The following DNAH17 variants were observed in gnomAD, a reference collection of about 807,000 sequenced individuals.
DNAH17 encodes axonemal beta dynein heavy chain 17.
In DNAH17, 376 loss-of-function variants were observed where a neutral mutation model predicts 485.6. The observed-to-expected ratio is 0.77, with a 90% CI of 0.71 to 0.84. DNAH17 has a LOEUF of 0.84. Among genes scored for constraint, DNAH17 ranks in the 40% least tolerant of loss-of-function variants. The pLI, the probability that DNAH17 is intolerant of heterozygous loss-of-function variation, is 0.00. For synonymous variants in DNAH17, 3,031 were observed against 2,405.9 expected (o/e 1.26, Z -7.60); for missense variants, 6,370 against 5,839.3 (o/e 1.09, Z -2.96).
In DNAH17 at chr17:78,526,657, C is replaced by G; in HGVS notation, c.3705G>C (p.Leu1235=). ...CACCCTTGAGCAAAAATACCTTATT[C>G]AGGGACTTGTAGGGGTTGGGGTCGC... ...SFSDPNPYKS[L]NKQQKSISAM... is the part of the protein sequence containing the mutation. The change falls in exon 24 of 81, where the codon CTG becomes CTC. Residue 1235 remains leucine (L), a synonymous_variant. Transcript: ENST00000389840. The G allele has an allele frequency of 6.2e-7, 1 of 1,602,318 alleles. No individual in the cohort carries two copies. The highest frequency in any genetic ancestry group is 8.5e-7 in the Non-Finnish European group (1 of 1,171,796).
chr17:78,537,226 A>T, intron 19 of DNAH17, 73 bp downstream of exon 19: 1 of 1,443,932 alleles, frequency 6.9e-7, no homozygotes, highest in Non-Finnish European at 9.4e-7. Context: ...AGCCTTGCCG[A>T]GTTAGGGCGG....
rs746118933 is a variant in DNAH17, at chr17:78,424,022, G to C, written c.13273C>G (p.Pro4425Ala). ...CCGCGGATGCGTGTTTTGTACACGGGACACTCATAGATGTTCTTGGTCTCC... is the reference window on the plus strand; with the variant it reads ...CCGCGGATGCGTGTTTTGTACACGGCACACTCATAGATGTTCTTGGTCTCC... ...RMETKNIYEC[P>A]VYKTRIRGPT... The change falls in exon 81 of 81, where the codon CCC becomes GCC. Residue 4425 changes from proline (P) to alanine (A), a missense_variant. Pro to Ala is a conservative substitution (Grantham distance 27). Coordinates refer to ENST00000389840, the MANE Select transcript of DNAH17 (RefSeq NM_173628.4). 10 of 1,613,920 alleles carry C rather than the reference G, an allele frequency of 6.2e-6. No individual in the cohort carries two copies. The highest frequency in any genetic ancestry group is 6.8e-6 in the Non-Finnish European group (8 of 1,179,902).
chr17:78,501,180 T>C lies in DNAH17; in HGVS notation c.5483+4A>G. On this transcript the variant is annotated splice_donor_region_variant and intron_variant, in intron 35 of 80. Coordinates refer to ENST00000389840, the MANE Select transcript of DNAH17 (RefSeq NM_173628.4). The stretch of plus-strand genomic sequence containing the variant: ...CATGTGAGTTACTCAGGGACGGGCC[T>C]CACCTGTCAGTGAGTGGGGTGATGA... 2 of 1,571,964 alleles carry C rather than the reference T, an allele frequency of 1.3e-6. No individual in the cohort carries two copies. Among genetic ancestry groups the C allele is most frequent in the Non-Finnish European group, 1.7e-6 (2 of 1,150,034 alleles).
Position 78,441,083 on chromosome 17 carries a change from C to T in DNAH17, c.11645G>A (p.Gly3882Glu), listed in dbSNP as rs2087055850. 2 of 1,609,204 alleles carry T rather than the reference C, an allele frequency of 1.2e-6. No individual in the cohort carries two copies. The highest frequency in any genetic ancestry group is 1.7e-6 in the Non-Finnish European group (2 of 1,177,784). ...STSIFFILSPGVDPLKDVEAL... is the reference protein window; with the variant it reads ...STSIFFILSPEVDPLKDVEAL... Reference sequence around the variant, plus strand: ...TTCCACGTCTTTCAAGGGGTCAACCCCCGGGGAGAGGATGAAGAAGATTGA... The same window carrying T: ...TTCCACGTCTTTCAAGGGGTCAACCTCCGGGGAGAGGATGAAGAAGATTGA... The change falls in exon 72 of 81, where the codon GGG becomes GAG. Residue 3882 changes from glycine to glutamate, a missense_variant. Physicochemically the swap from Gly to Glu is moderately conservative, Grantham distance 98. Coordinates refer to ENST00000389840, the MANE Select transcript of DNAH17 (RefSeq NM_173628.4).
At chr17:78,498,085 G>C (rs997107698) in intron 37 of DNAH17, among the ~76,000 whole-genome samples, 1 of 152,006 alleles carries the variant, frequency 6.6e-6, no homozygotes, top group Non-Finnish European at 1.5e-5. Flanking sequence ...GAGGTTCAGT[G>C]AACCGAGACT....
At chr17:78,491,104 C>T (rs767397746) in intron 43 of DNAH17, among the ~76,000 whole-genome samples, 1 of 152,222 alleles carries the variant, frequency 6.6e-6, no homozygotes, top group Non-Finnish European at 1.5e-5. Context: ...ATCACCCCTC[C>T]CCATCCTGGA....
chr17:78,470,876 A>G (rs1415605433), intron 54 of DNAH17, among the ~76,000 whole-genome samples: 1 of 152,238 alleles, frequency 6.6e-6, no homozygotes, highest in Non-Finnish European at 1.5e-5. Context: ...AGCAGGATTT[A>G]AGGACAGGGC....
chr17:78,542,793 G>A (rs1035096093), intron 17 of DNAH17, among the ~76,000 whole-genome samples: 1 of 152,184 alleles, frequency 6.6e-6, no homozygotes, highest in Non-Finnish European at 1.5e-5. Context: ...ATTCACATAT[G>A]CAGGTAGTGA....
chr17:78,568,935 G>T (rs2092310285), intron 9 of DNAH17, among the ~76,000 whole-genome samples: 1 of 152,322 alleles, frequency 6.6e-6, no homozygotes, highest in South Asian at 2.1e-4. Flanking sequence ...TAGGATGCAC[G>T]AGATAAGGGG....
chr17:78,513,902 C>T (rs546639973), intron 26 of DNAH17, among the ~76,000 whole-genome samples: 53 of 152,268 alleles, frequency 3.5e-4, no homozygotes, highest in African/African-American at 1.2e-3. Context: ...CTCTCTGTAT[C>T]CTTTGCAGCT....
At chr17:78,568,440 C>T (rs2092302545) in intron 9 of DNAH17, among the ~76,000 whole-genome samples, 1 of 152,112 alleles carries the variant, frequency 6.6e-6, no homozygotes, top group African/African-American at 2.4e-5. Flanking sequence ...TGATTTTCCC[C>T]TTTTTTAAGG....
At chr17:78,556,492 T>C in intron 14 of DNAH17, among the ~76,000 whole-genome samples, 1 of 152,168 alleles carries the variant, frequency 6.6e-6, no homozygotes, top group East Asian at 1.9e-4. Flanking sequence ...TTTGTGGTGA[T>C]TTGTTACAGC....
At chr17:78,482,330 T>A (rs1441700093) in intron 48 of DNAH17, among the ~76,000 whole-genome samples, 1 of 152,194 alleles carries the variant, frequency 6.6e-6, no homozygotes, top group Non-Finnish European at 1.5e-5. Flanking sequence ...CCAGCACTTT[T>A]GTTTTTTTCC....
intron 40 of DNAH17, 58 bp downstream of exon 40, chr17:78,494,535 A>T (rs1180213442): frequency 6.4e-7 from 1 of 1,551,310 alleles, no homozygotes; most frequent in African/African-American, 1.4e-5. Flanking sequence ...CATCAGTGGG[A>T]AGGAAGCCCC....
intron 54 of DNAH17, chr17:78,472,699 G>A (rs530689171): frequency 8.2e-5 from 37 of 453,804 alleles, no homozygotes; most frequent in African/African-American, 3.2e-4. Flanking sequence ...CCGAGTCCCC[G>A]AGGTCACGCA....
At chr17:78,496,395 A>G (rs2090071123) in intron 37 of DNAH17, among the ~76,000 whole-genome samples, 1 of 137,598 alleles carries the variant, frequency 7.3e-6, no homozygotes, top group Admixed American at 8.1e-5. Flanking sequence ...AATTCTGTGT[A>G]CTCTCTGCCC....
Position 78,455,676 on chromosome 17 carries a change from T to C in DNAH17, c.10138A>G (p.Lys3380Glu), listed in dbSNP as rs1473181135. The C allele has an allele frequency of 1.3e-6, 2 of 1,566,324 alleles. No individual in the cohort carries two copies. The highest frequency in any genetic ancestry group is 1.7e-6 in the Non-Finnish European group (2 of 1,155,862). Residue 3380 changes from lysine (K) to glutamate (E), a missense_variant, in exon 63 of 81, where the codon AAA (lysine) becomes GAA (glutamate). Coordinates refer to ENST00000389840, the MANE Select transcript of DNAH17 (RefSeq NM_173628.4). ...TKKYRNELME[K>E]FWIPYIHNLK... is the part of the protein sequence containing the mutation. The stretch of plus-strand genomic sequence containing the variant: ...TTATGTATGTAAGGGATCCAGAATT[T>C]CTCCATCAGCTCATTCCGGTATTTC...
At chr17:78,569,629 A>G in intron 7 of DNAH17, 102 bp from the exon 8 acceptor site, 2 of 1,361,278 alleles carry the variant, frequency 1.5e-6, no homozygotes, top group Non-Finnish European at 2.0e-6. Flanking sequence ...TGACATATGG[A>G]TATCTGAAAA....
intron 13 of DNAH17, 121 bp from the exon 14 acceptor site, chr17:78,558,375 T>C (rs1379932664): frequency 8.0e-7 from 1 of 1,247,568 alleles, no homozygotes; most frequent in East Asian, 2.6e-5. Context: ...ATCTCAAAGT[T>C]GGTGGGAGGC....
Sources: gnomAD v4.1 joint callset for allele counts (sites outside exome capture counted in the v4.1 genomes callset) on GRCh38, gnomAD v4.1.1 for gene constraint, MANE v1.5 for transcripts, NCBI Gene and HGNC (gene_info 2026-07-23, HGNC 2026-07-21) for gene names.